The following MAPK8 variants were observed in gnomAD, a reference collection of about 807,000 sequenced individuals.
MAPK8 encodes mitogen-activated protein kinase 8, also known as JUN N-terminal kinase.
In MAPK8, 13 loss-of-function variants were observed where a neutral mutation model predicts 52.9. The observed-to-expected ratio is 0.25, with a 90% CI of 0.16 to 0.39. The LOEUF (loss-of-function observed/expected upper bound fraction) is 0.39. MAPK8 is among the 10% of genes least tolerant of loss of function. The pLI is 1.00. For missense variants in MAPK8, 300 were observed against 519.2 expected, an observed-to-expected ratio of 0.58 and a Z score of 4.10; for synonymous variants, 191 against 169.8, an observed-to-expected ratio of 1.12 and a Z score of -0.97.
chr10:48,391,608 G>T (rs1232514598), intron 1 of MAPK8, among the ~76,000 whole-genome samples: 1 of 152,120 alleles, frequency 6.6e-6, no homozygotes, highest in Non-Finnish European at 1.5e-5. Flanking sequence ...TGCATAGGGG[G>T]AGTTCCCCAC....
At chr10:48,390,410 C>G (rs2041556672) in intron 1 of MAPK8, among the ~76,000 whole-genome samples, 1 of 152,140 alleles carries the variant, frequency 6.6e-6, no homozygotes, top group African/African-American at 2.4e-5. Context: ...AGCCAAAGAA[C>G]CAGGTTAAGT....
chr10:48,307,327 C>T (rs557790558), intron 1 of MAPK8, among the ~76,000 whole-genome samples: 2 of 152,206 alleles, frequency 1.3e-5, no homozygotes, highest in African/African-American at 4.8e-5. Context: ...TTTCTTTGTG[C>T]TAACGTTCTG....
chr10:48,424,283 T>C (rs902425532), intron 7 of MAPK8, 124 bp downstream of exon 7: 12 of 906,710 alleles, frequency 1.3e-5, no homozygotes, highest in Admixed American at 2.7e-5. Context: ...TTTGTGGCTA[T>C]TATAGTTCAA....
chr10:48,376,571 A>G (rs2040675901), intron 1 of MAPK8, among the ~76,000 whole-genome samples: 1 of 152,258 alleles, frequency 6.6e-6, no homozygotes, highest in Admixed American at 6.5e-5. Flanking sequence ...CAGGCGAAGC[A>G]TATGAAGAGA....
rs146217829 is a variant in MAPK8, at chr10:48,418,728, A to G, written c.451-1427A>G. Among the ~76,000 whole-genome samples the G allele has an allele frequency of 7.1e-3, 1,074 of 152,330 alleles. 11 individuals are homozygous for G. The highest frequency in any genetic ancestry group is 0.025 in the African/African-American group (1,031 of 41,570). The stretch of plus-strand genomic sequence containing the variant: ...AGTTAGCAGTGTAATTAACAGCTGT[A>G]AGGTACATATTGATATATATGGATG... On this transcript the variant is annotated intron_variant, in intron 5 of 11. Transcript: ENST00000374189.
At chr10:48,380,626 G>A (rs888974001) in intron 1 of MAPK8, among the ~76,000 whole-genome samples, 3 of 152,164 alleles carry the variant, frequency 2.0e-5, no homozygotes, top group African/African-American at 7.2e-5. Context: ...TGAGCTACTT[G>A]GGAGGCTGAG....
intron 7 of MAPK8, 27 bp downstream of exon 7, chr10:48,424,186 A>G (rs1354471171): frequency 1.1e-5 from 17 of 1,587,078 alleles, no homozygotes; most frequent in Non-Finnish European, 1.5e-5. Flanking sequence ...GCAGCAGTTA[A>G]TTAGTTAGGC....
intron 1 of MAPK8, among the ~76,000 whole-genome samples, chr10:48,394,937 A>C (rs1236212564): frequency 6.6e-6 from 1 of 151,914 alleles, no homozygotes; most frequent in African/African-American, 2.4e-5. Context: ...TAAAATAAAA[A>C]TATTAGCATT....
intron 5 of MAPK8, among the ~76,000 whole-genome samples, chr10:48,412,395 C>G (rs1288288562): frequency 6.6e-6 from 1 of 152,038 alleles, no homozygotes; most frequent in African/African-American, 2.4e-5. Flanking sequence ...CTTTTTTGAT[C>G]AGGATGGAAG....
intron 1 of MAPK8, among the ~76,000 whole-genome samples, chr10:48,351,667 A>G (rs1230103111): frequency 1.3e-5 from 2 of 152,224 alleles, no homozygotes; most frequent in Non-Finnish European, 2.9e-5. Context: ...TACAGTAACC[A>G]AAATAAAATC....
chr10:48,409,229 T>C (rs1018834096), intron 3 of MAPK8, among the ~76,000 whole-genome samples: 2 of 152,162 alleles, frequency 1.3e-5, no homozygotes, highest in Non-Finnish European at 2.9e-5. Context: ...GACAGTAGAA[T>C]GGACAGCATT....
chr10:48,314,308 T>A (rs951585005), intron 1 of MAPK8, among the ~76,000 whole-genome samples: 16 of 152,004 alleles, frequency 1.1e-4, no homozygotes, highest in African/African-American at 3.6e-4. Flanking sequence ...TGACCTAATA[T>A]AGTCATGAGA....
chr10:48,426,248 CATATGT>C, intron 8 of MAPK8, 126 bp from the exon 9 acceptor site: 1 of 828,910 alleles, frequency 1.2e-6, no homozygotes. Context: ...ATATTTTAAT[CATATGT>C]ATAAGATAAT....
intron 1 of MAPK8, among the ~76,000 whole-genome samples, chr10:48,387,173 C>A (rs1263949752): frequency 6.6e-6 from 1 of 152,140 alleles, no homozygotes; most frequent in East Asian, 1.9e-4. Flanking sequence ...GGGTGGGGGT[C>A]AGATTCTCCT....
chr10:48,330,796 C>A (rs1844063487), intron 1 of MAPK8, among the ~76,000 whole-genome samples: 1 of 152,112 alleles, frequency 6.6e-6, no homozygotes, highest in South Asian at 2.1e-4. Context: ...TACTCCAGTC[C>A]CCTTCCCCCC....
chr10:48,387,545 C>T (rs551511761), intron 1 of MAPK8, among the ~76,000 whole-genome samples: 1 of 152,214 alleles, frequency 6.6e-6, no homozygotes, highest in African/African-American at 2.4e-5. Flanking sequence ...CTGGAAGCCT[C>T]ATTTTTAAAC....
intron 1 of MAPK8, among the ~76,000 whole-genome samples, chr10:48,397,790 C>T (rs1406716594): frequency 1.3e-5 from 2 of 151,982 alleles, no homozygotes; most frequent in African/African-American, 2.4e-5. Context: ...AGGGTTTCAC[C>T]GTGTTAGCCA....
At chr10:48,420,111 C>A in intron 5 of MAPK8, 44 bp from the exon 6 acceptor site, 1 of 1,428,578 alleles carries the variant, frequency 7.0e-7, no homozygotes, top group Non-Finnish European at 9.8e-7. Flanking sequence ...GTAGGATTTT[C>A]CTATATATCA....
chr10:48,425,977 G>A lies in MAPK8; in HGVS notation c.778G>A (p.Val260Ile). 2.5e-6 allele frequency: 4 copies of A among 1,613,168 alleles called. No individual in the cohort carries two copies. The highest frequency in any genetic ancestry group is 3.4e-6 in the Non-Finnish European group (4 of 1,179,418). ...ACTGCAACCAACAGTAAGGACTTAC[G>A]TTGAAAACAGACCTAAATATGCTGG... The part of the protein sequence containing the change: ...KKLQPTVRTY[V>I]ENRPKYAGYS... Residue 260 changes from valine (V) to isoleucine (I), a missense_variant, in exon 8 of 12, where the codon GTT becomes ATT. Coordinates refer to ENST00000374189, the MANE Select transcript of MAPK8 (RefSeq NM_001323329.2).
Sources: allele counts gnomAD v4.1 joint callset (sites outside exome capture counted in the v4.1 genomes callset), GRCh38; gene constraint gnomAD v4.1.1; transcripts MANE v1.5; gene names NCBI Gene and HGNC (gene_info 2026-07-23, HGNC 2026-07-21).